DENND5B: variants seen among roughly 807,000 people sequenced by gnomAD.
The protein encoded by DENND5B is DENN domain-containing protein 5B.
In DENND5B, 34 loss-of-function variants were observed where a neutral mutation model predicts 140.6. The observed-to-expected ratio is 0.24, with a 90% CI of 0.18 to 0.32. The LOEUF is 0.32. Among genes scored for constraint, DENND5B ranks in the 10% least tolerant of loss-of-function variants. DENND5B has a pLI of 1.00. For missense variants in DENND5B, 1,142 were observed against 1,560.2 expected (o/e 0.73, Z 4.52); for synonymous variants, 551 against 562.1 (o/e 0.98, Z 0.28).
intron 1 of DENND5B, among the ~76,000 whole-genome samples, chr12:31,589,424 T>C (rs1489779408): frequency 6.6e-6 from 1 of 152,202 alleles, no homozygotes; most frequent in Non-Finnish European, 1.5e-5. Flanking sequence ...ACAGTTTTTG[T>C]TGAAAATGTT....
In DENND5B at chr12:31,590,825, C is replaced by T. The variant is rs1950595901; in HGVS notation, c.8G>A (p.Gly3Glu). The part of the protein sequence containing the change: MS[G>E]SCAAPGPGSG... ...GCCCGGGCCGGGCGCCGCGCAGCTC[C>T]CGCTCATCCCGGCCGCGCTGCTCCA... Residue 3 changes from glycine to glutamate, a missense_variant, in exon 1 of 21, where the codon GGG (glycine) becomes GAG (glutamate). By Grantham distance (98) the Gly-to-Glu change is moderately conservative. Transcript: ENST00000389082. The T allele has an allele frequency of 7.9e-7, 1 of 1,268,650 alleles. No individual in the cohort carries two copies. The highest frequency in any genetic ancestry group is 9.9e-7 in the Non-Finnish European group (1 of 1,011,310). The allele number at this position is 1,268,650 out of a possible 1,614,324, so 78.6% of individuals were successfully genotyped here.
chr12:31,442,672 T>C, intron 7 of DENND5B, 103 bp downstream of exon 7: 1 of 1,224,704 alleles, frequency 8.2e-7, no homozygotes, highest in Non-Finnish European at 1.1e-6. Flanking sequence ...AAAAAAGTAA[T>C]CAGATAGATG....
At chr12:31,410,335 T>G (rs118051431) in intron 13 of DENND5B, among the ~76,000 whole-genome samples, 3,116 of 152,338 alleles carry the variant, frequency 0.02, 56 homozygotes, top group South Asian at 0.053. Flanking sequence ...CCAAGTGTTT[T>G]ATAGGTATTA....
At chr12:31,431,773 A>G (rs1403093390) in intron 8 of DENND5B, among the ~76,000 whole-genome samples, 1 of 151,946 alleles carries the variant, frequency 6.6e-6, no homozygotes, top group Non-Finnish European at 1.5e-5. Context: ...TTTGCTATCT[A>G]GCACACAAAA....
intron 2 of DENND5B, among the ~76,000 whole-genome samples, chr12:31,484,912 T>C (rs749325772): frequency 9.2e-5 from 14 of 152,198 alleles, no homozygotes; most frequent in Non-Finnish European, 1.9e-4. Context: ...AATTGTCATG[T>C]GCAACAAAAA....
intron 3 of DENND5B, among the ~76,000 whole-genome samples, chr12:31,462,550 T>C (rs1945069349): frequency 6.6e-6 from 1 of 152,122 alleles, no homozygotes; most frequent in African/African-American, 2.4e-5. Context: ...CTTTCTCTGA[T>C]TTTACCCATA....
At chr12:31,391,698 G>A (rs535476277) in intron 19 of DENND5B, among the ~76,000 whole-genome samples, 10 of 152,164 alleles carry the variant, frequency 6.6e-5, no homozygotes, top group African/African-American at 2.4e-4. Context: ...TGTCGCCCAG[G>A]CTGGAGTGCA....
intron 1 of DENND5B, among the ~76,000 whole-genome samples, chr12:31,498,848 G>A (rs886766493): frequency 1.1e-4 from 16 of 151,610 alleles, no homozygotes; most frequent in Admixed American, 6.6e-5. Flanking sequence ...TGGCATGCAC[G>A]TGTAATCCCA....
At chr12:31,578,126 C>CA (rs5797421) in intron 1 of DENND5B, among the ~76,000 whole-genome samples, 11,465 of 77,134 alleles carry the variant, frequency 0.15, 877 homozygotes, top group Non-Finnish European at 0.2. Flanking sequence ...GACGCTGTCT[C>CA]AAAAAAAAAA....
chr12:31,502,172 G>T (rs1032406814), intron 1 of DENND5B, among the ~76,000 whole-genome samples: 2 of 151,436 alleles, frequency 1.3e-5, no homozygotes, highest in African/African-American at 4.9e-5. Flanking sequence ...AAAATTAGCC[G>T]GGTGTGGTGG....
intron 6 of DENND5B, among the ~76,000 whole-genome samples, chr12:31,447,227 C>T (rs1357436427): frequency 6.6e-6 from 1 of 152,032 alleles, no homozygotes; most frequent in Non-Finnish European, 1.5e-5. Flanking sequence ...GTCAAGATTG[C>T]GCCACTGCAC....
At chr12:31,481,047 G>A (rs1373821070) in intron 2 of DENND5B, among the ~76,000 whole-genome samples, 2 of 152,090 alleles carry the variant, frequency 1.3e-5, no homozygotes, top group African/African-American at 2.4e-5. Flanking sequence ...AATAAAAGAA[G>A]TGAAATTACA....
At chr12:31,560,938 A>G (rs1253415249) in intron 1 of DENND5B, among the ~76,000 whole-genome samples, 1 of 152,102 alleles carries the variant, frequency 6.6e-6, no homozygotes, top group Admixed American at 6.6e-5. Context: ...TACTACCAAA[A>G]AGAGAGAGTA....
intron 11 of DENND5B, among the ~76,000 whole-genome samples, chr12:31,417,982 A>G (rs967231060): frequency 1.3e-5 from 2 of 152,208 alleles, no homozygotes; most frequent in African/African-American, 4.8e-5. Flanking sequence ...GATAGGGAAC[A>G]TTTTGGTGTA....
At chr12:31,529,581 T>A (rs1948209277) in intron 1 of DENND5B, among the ~76,000 whole-genome samples, 1 of 152,182 alleles carries the variant, frequency 6.6e-6, no homozygotes, top group East Asian at 1.9e-4. Context: ...ACACCTCACT[T>A]TGGGAGACCA....
intron 4 of DENND5B, among the ~76,000 whole-genome samples, chr12:31,456,091 A>C (rs939232341): frequency 6.6e-6 from 1 of 152,070 alleles, no homozygotes; most frequent in Non-Finnish European, 1.5e-5. Flanking sequence ...GCACTTTGGG[A>C]GCCTGAGGTG....
At position 31,531,231 on chromosome 12, in the gene DENND5B, G is replaced by C. The variant is rs111936538; in HGVS notation, c.128-35312C>G. On this transcript the variant is annotated intron_variant, in intron 1 of 20. Transcript: ENST00000389082. ...CCTTTTTACTTTGAGACGGAGTCTC[G>C]CTCTGTCACCCAGGCTGGAGTGCAA... Among the ~76,000 whole-genome samples, 1,376 of 150,156 alleles carry C rather than the reference G, an allele frequency of 9.2e-3. 17 individuals are homozygous for C. The highest frequency in any genetic ancestry group is 0.031 in the African/African-American group (1,280 of 40,792).
chr12:31,548,381 T>C (rs780042186), intron 1 of DENND5B, among the ~76,000 whole-genome samples: 7 of 139,798 alleles, frequency 5.0e-5, no homozygotes, highest in Non-Finnish European at 6.1e-5. Flanking sequence ...GCAACATCTG[T>C]CTCAAAAAAC....
At chr12:31,514,451 T>C (rs555792166) in intron 1 of DENND5B, among the ~76,000 whole-genome samples, 1 of 152,200 alleles carries the variant, frequency 6.6e-6, no homozygotes, top group Non-Finnish European at 1.5e-5. Flanking sequence ...CTACTGACTT[T>C]GTGTAAAGAT....
Sources: allele counts gnomAD v4.1 joint callset (sites outside exome capture counted in the v4.1 genomes callset), GRCh38; gene constraint gnomAD v4.1.1; transcripts MANE v1.5; gene names NCBI Gene and HGNC (gene_info 2026-07-23, HGNC 2026-07-21).